Variants in CNBD1 observed in about 807,000 individuals in gnomAD.
CNBD1 encodes the protein cyclic nucleotide-binding domain-containing protein 1.
In CNBD1, 71 loss-of-function variants were observed where a neutral mutation model predicts 54.4. The ratio of observed to expected loss-of-function variants is 1.30; its 90% CI spans 1.08 to 1.59. The LOEUF (loss-of-function observed/expected upper bound fraction) is 1.59, where lower values mean the gene tolerates loss of function less well. Among genes scored for constraint, CNBD1 ranks in the 40% most tolerant of loss-of-function variants. The probability of loss-of-function intolerance (pLI) is 0.00; values close to 1 mark genes in which losing one functional copy is unlikely to be tolerated. For missense variants in CNBD1, 659 were observed against 518.0 expected, an observed-to-expected ratio of 1.27 and a Z score of -2.64; for synonymous variants, 182 against 170.7, an observed-to-expected ratio of 1.07 and a Z score of -0.51.
At chr8:87,183,414 G>A (rs1281809390) in intron 4 of CNBD1, among the ~76,000 whole-genome samples, 1 of 111,222 alleles carries the variant, frequency 9.0e-6, no homozygotes, top group African/African-American at 3.0e-5. Context: ...GCTAATGATG[G>A]CTATATTATT....
At chr8:87,316,458 T>A (rs1421935143) in intron 8 of CNBD1, among the ~76,000 whole-genome samples, 1 of 152,010 alleles carries the variant, frequency 6.6e-6, no homozygotes, top group South Asian at 2.1e-4. Context: ...TTTAGGTAGG[T>A]GTGTCAATTG....
At position 87,086,266 on chromosome 8, in the gene CNBD1, G is replaced by C. The variant is rs181776224; in HGVS notation, c.432-119727G>C. Among the ~76,000 whole-genome samples the C allele has an allele frequency of 2.0e-5, 3 of 152,166 alleles. No homozygotes were observed. In the East Asian group the frequency reaches 5.8e-4, roughly 29 times the overall value. On this transcript the variant is annotated intron_variant, in intron 4 of 10. Coordinates refer to ENST00000518476, the MANE Select transcript of CNBD1 (RefSeq NM_173538.3). ...ATAAAGCACCCAGTGCCTCTTCCTCGCATGCTCTGTCTGCCTCAGCTTATG... is the reference window on the plus strand; with the variant it reads ...ATAAAGCACCCAGTGCCTCTTCCTCCCATGCTCTGTCTGCCTCAGCTTATG...
chr8:87,039,198 C>A (rs936478138), intron 4 of CNBD1, among the ~76,000 whole-genome samples: 2 of 152,146 alleles, frequency 1.3e-5, no homozygotes, highest in Non-Finnish European at 2.9e-5. Context: ...TAACACATTT[C>A]TTCAACCTAT....
intron 4 of CNBD1, among the ~76,000 whole-genome samples, chr8:87,202,049 T>C (rs1156372421): frequency 1.3e-5 from 2 of 152,130 alleles, no homozygotes; most frequent in Non-Finnish European, 2.9e-5. Flanking sequence ...TAATAACAAA[T>C]ATATGTAGGC....
At chr8:87,415,178 A>T (rs1586088588) in intron 2 of CNBD1, among the ~76,000 whole-genome samples, 1 of 152,076 alleles carries the variant, frequency 6.6e-6, no homozygotes, top group African/African-American at 2.4e-5. Flanking sequence ...TGTATGTGGC[A>T]TTAGTTTTCC....
intron 4 of CNBD1, among the ~76,000 whole-genome samples, chr8:87,097,868 C>G (rs553226693): frequency 8.5e-5 from 13 of 152,312 alleles, no homozygotes; most frequent in South Asian, 6.2e-4. Flanking sequence ...TCAGATTCCA[C>G]TGGAGTCATC....
intron 4 of CNBD1, among the ~76,000 whole-genome samples, chr8:87,010,760 A>G (rs1809203113): frequency 6.6e-6 from 1 of 152,168 alleles, no homozygotes; most frequent in Admixed American, 6.5e-5. Context: ...TGGAAAACAA[A>G]AAACTCCCAT....
intron 6 of CNBD1, among the ~76,000 whole-genome samples, chr8:87,260,520 A>G (rs1427765485): frequency 6.6e-6 from 1 of 152,100 alleles, no homozygotes; most frequent in Admixed American, 6.6e-5. Flanking sequence ...TCTTTTTTGC[A>G]TTAATCAAAA....
chr8:87,125,090 A>G (rs1201277201), intron 4 of CNBD1, among the ~76,000 whole-genome samples: 1 of 151,790 alleles, frequency 6.6e-6, no homozygotes, highest in East Asian at 1.9e-4. Flanking sequence ...AATTCAGCAA[A>G]GGAAGTAAAA....
At chr8:86,867,546 T>G (rs1808382534) in intron 1 of CNBD1, among the ~76,000 whole-genome samples, 3 of 152,188 alleles carry the variant, frequency 2.0e-5, no homozygotes, top group Admixed American at 2.0e-4. Flanking sequence ...ACTGATGTCT[T>G]GAATAGTGTT....
At chr8:87,299,434 G>T (rs1300960221) in intron 8 of CNBD1, among the ~76,000 whole-genome samples, 1 of 152,138 alleles carries the variant, frequency 6.6e-6, no homozygotes, top group Non-Finnish European at 1.5e-5. Context: ...GAAAGAAATA[G>T]ACATATGGTT....
At chr8:87,386,000 C>G (rs930024107), downstream of CNBD1, among the ~76,000 whole-genome samples, 1 of 152,132 alleles carries the variant, frequency 6.6e-6, no homozygotes, top group Non-Finnish European at 1.5e-5. Context: ...GATACCCAGG[C>G]AAACATAGTC....
chr8:86,916,146 A>G (rs1336558001), intron 3 of CNBD1, among the ~76,000 whole-genome samples: 1 of 152,136 alleles, frequency 6.6e-6, no homozygotes, highest in Non-Finnish European at 1.5e-5. Flanking sequence ...GTCTGCAGCA[A>G]CCTCAATGCT....
chr8:86,916,374 T>A (rs1006294233), intron 3 of CNBD1, among the ~76,000 whole-genome samples: 6 of 152,138 alleles, frequency 3.9e-5, no homozygotes, highest in Non-Finnish European at 7.3e-5. Context: ...ACTTCTGGGG[T>A]CTTGCATTCC....
At chr8:87,317,754 G>C (rs528928019) in intron 8 of CNBD1, among the ~76,000 whole-genome samples, 84 of 151,914 alleles carry the variant, frequency 5.5e-4, no homozygotes, top group African/African-American at 2.0e-3. Flanking sequence ...ATCAAATATT[G>C]GGTGGAAAAA....
chr8:86,927,692 G>A (rs553295253), intron 3 of CNBD1, among the ~76,000 whole-genome samples: 12 of 152,264 alleles, frequency 7.9e-5, no homozygotes, highest in Non-Finnish European at 1.5e-4. Context: ...TTAGTATACT[G>A]CTTAATAATG....
chr8:87,126,379 C>T (rs138215119), intron 4 of CNBD1, among the ~76,000 whole-genome samples: 1 of 152,094 alleles, frequency 6.6e-6, no homozygotes, highest in East Asian at 1.9e-4. Flanking sequence ...TTTGAATTTG[C>T]ATTTTCCTAG....
At chr8:87,379,109 A>G (rs1251268162) in intron 10 of CNBD1, among the ~76,000 whole-genome samples, 2 of 151,538 alleles carry the variant, frequency 1.3e-5, no homozygotes, top group African/African-American at 4.9e-5. Flanking sequence ...AACAGGGACA[A>G]TTTGACTTCC....
chr8:87,307,470 G>A (rs150372348), intron 8 of CNBD1, among the ~76,000 whole-genome samples: 268 of 152,294 alleles, frequency 1.8e-3, no homozygotes, highest in African/African-American at 5.8e-3. Context: ...GCGTGCACTG[G>A]CTCATGCCTG....
Sources: gnomAD v4.1 joint callset for allele counts (sites outside exome capture counted in the v4.1 genomes callset) on GRCh38, gnomAD v4.1.1 for gene constraint, MANE v1.5 for transcripts, NCBI Gene and HGNC (gene_info 2026-07-23, HGNC 2026-07-21) for gene names.